ZNF385D: variants seen among roughly 807,000 people sequenced by gnomAD.
The protein encoded by ZNF385D is zinc finger protein 385D.
Under a neutral mutation model 35.8 loss-of-function variants are expected in ZNF385D, and 15 were observed. The ratio of observed to expected loss-of-function variants is 0.42; its 90% CI spans 0.28 to 0.64. The LOEUF is 0.64. Ranked by LOEUF, ZNF385D falls within the 30% of genes least tolerant of loss-of-function variation. The pLI, the probability that ZNF385D is intolerant of heterozygous loss-of-function variation, is 0.23. For synonymous variants in ZNF385D, 212 were observed against 186.8 expected (o/e 1.13, Z -1.10); for missense variants, 474 against 494.6 (o/e 0.96, Z 0.39).
At chr3:21,935,884 A>T (rs1320680209) in intron 3 of ZNF385D, among the ~76,000 whole-genome samples, 1 of 152,154 alleles carries the variant, frequency 6.6e-6, no homozygotes, top group African/African-American at 2.4e-5. Context: ...TGTTCACATC[A>T]TGTAAACAGA....
chr3:21,562,837 TA>T (rs5847111), intron 3 of ZNF385D, among the ~76,000 whole-genome samples: 135,049 of 152,134 alleles, frequency 0.89, 60,052 homozygotes, highest in African/African-American at 0.92. Flanking sequence ...GACTCTTTTT[TA>T]ACAACAGCTT....
Position 21,947,263 on chromosome 3 carries a change from A to AC in ZNF385D, c.325+221553_325+221554insG, listed in dbSNP as rs539694355. 2.5e-3 allele frequency among the ~76,000 whole-genome samples: 382 copies of AC among 152,322 alleles called. 1 individual carries two copies. The highest frequency in any genetic ancestry group is 8.8e-3 in the African/African-American group (364 of 41,568). On this transcript the variant is annotated intron_variant, in intron 3 of 5. Coordinates refer to the ZNF385D transcript ENST00000494108. ...TAAATATATTTTGAGTTGCTTATATATAAATATTGGCAAATTTATGGTACA... is the reference window on the plus strand; with the variant it reads ...TAAATATATTTTGAGTTGCTTATATACTAAATATTGGCAAATTTATGGTACA...
intron 2 of ZNF385D, among the ~76,000 whole-genome samples, chr3:22,176,896 A>G (rs1439273849): frequency 6.6e-6 from 1 of 152,236 alleles, no homozygotes; most frequent in Non-Finnish European, 1.5e-5. Context: ...CTACTACTAT[A>G]TAAATAATAG....
chr3:21,926,037 A>G (rs1700708525), intron 3 of ZNF385D, among the ~76,000 whole-genome samples: 1 of 152,202 alleles, frequency 6.6e-6, no homozygotes, highest in Admixed American at 6.5e-5. Context: ...GTCGGAATGT[A>G]AAATAATATA....
chr3:21,424,936 T>C (rs1700946288), intron 6 of ZNF385D, among the ~76,000 whole-genome samples: 1 of 152,130 alleles, frequency 6.6e-6, no homozygotes, highest in Non-Finnish European at 1.5e-5. Flanking sequence ...TAGCTGGCAA[T>C]GTATAAATGA....
chr3:21,709,322 G>C (rs898173644), intron 1 of ZNF385D, among the ~76,000 whole-genome samples: 39 of 151,998 alleles, frequency 2.6e-4, no homozygotes, highest in African/African-American at 9.4e-4. Context: ...AACATTCAAT[G>C]ACTTTCTAAT....
chr3:22,290,762 G>C (rs973285199), intron 2 of ZNF385D, among the ~76,000 whole-genome samples: 13 of 152,106 alleles, frequency 8.5e-5, no homozygotes, highest in African/African-American at 3.1e-4. Context: ...AGAAGTAATT[G>C]ATCTGTGTGT....
intron 3 of ZNF385D, among the ~76,000 whole-genome samples, chr3:22,164,106 T>C (rs1212822752): frequency 1.3e-5 from 2 of 151,990 alleles, no homozygotes; most frequent in African/African-American, 2.4e-5. Context: ...TGTTTCTATA[T>C]TAAGGTAAAG....
intron 3 of ZNF385D, among the ~76,000 whole-genome samples, chr3:22,104,010 T>C (rs1702076296): frequency 6.6e-6 from 1 of 152,114 alleles, no homozygotes; most frequent in Admixed American, 6.6e-5. Flanking sequence ...ACATGTACAA[T>C]ATACAATATA....
intron 1 of ZNF385D, among the ~76,000 whole-genome samples, chr3:21,711,038 A>ACTTTTTTTTT (rs562190313): frequency 1.8e-5 from 1 of 55,826 alleles, no homozygotes; most frequent in Non-Finnish European, 3.5e-5. Flanking sequence ...TCCCTCTAAA[A>ACTTTTTTTTT]GTTTTTTTTT....
intron 1 of ZNF385D, among the ~76,000 whole-genome samples, chr3:21,739,836 T>G (rs1461873260): frequency 2.0e-5 from 3 of 152,230 alleles, no homozygotes; most frequent in African/African-American, 7.2e-5. Context: ...TGTGAACATT[T>G]ACTGAAAGTG....
intron 2 of ZNF385D, among the ~76,000 whole-genome samples, chr3:21,582,785 A>C (rs921861482): frequency 3.3e-5 from 5 of 151,904 alleles, no homozygotes; most frequent in African/African-American, 1.2e-4. Context: ...TCATTCATTC[A>C]TTTATCCTTT....
intron 3 of ZNF385D, among the ~76,000 whole-genome samples, chr3:21,879,327 C>T (rs1283464199): frequency 6.6e-6 from 1 of 151,954 alleles, no homozygotes; most frequent in Non-Finnish European, 1.5e-5. Context: ...AGAGAGGACA[C>T]ATGGGATCCG....
upstream of ZNF385D, among the ~76,000 whole-genome samples, chr3:21,755,224 A>T (rs62236199): frequency 0.17 from 26,565 of 152,188 alleles, 2,827 homozygotes; most frequent in Non-Finnish European, 0.23. Context: ...ATAAAATTGT[A>T]TCCAGTGTTC....
At chr3:21,994,600 G>A (rs149693311) in intron 3 of ZNF385D, among the ~76,000 whole-genome samples, 1 of 151,992 alleles carries the variant, frequency 6.6e-6, no homozygotes, top group Non-Finnish European at 1.5e-5. Flanking sequence ...TGTTATGTTA[G>A]CTTGCTTTTT....
chr3:21,564,716 G>GGCA (rs1258448069), intron 2 of ZNF385D, 32 bp from the exon 3 acceptor site: 4 of 1,373,518 alleles, frequency 2.9e-6, no homozygotes, highest in Non-Finnish European at 3.0e-6. Context: ...ACAACAAATA[G>GGCA]AAATAAAGCT....
intron 2 of ZNF385D, among the ~76,000 whole-genome samples, chr3:21,659,865 G>T (rs2066182815): frequency 2.6e-5 from 4 of 151,950 alleles, no homozygotes; most frequent in Admixed American, 2.6e-4. Context: ...GCCTACATAT[G>T]TTCAAAATCT....
At chr3:21,996,820 G>A (rs769805073) in intron 3 of ZNF385D, among the ~76,000 whole-genome samples, 36 of 152,254 alleles carry the variant, frequency 2.4e-4, no homozygotes, top group Admixed American at 7.2e-4. Flanking sequence ...AGGAGGATTA[G>A]CACATTCATT....
intron 4 of ZNF385D, among the ~76,000 whole-genome samples, chr3:21,466,172 A>G (rs548056320): frequency 3.3e-5 from 5 of 152,198 alleles, no homozygotes; most frequent in East Asian, 3.9e-4. Flanking sequence ...TGCATGATCA[A>G]TCTTTACCTT....
Sources: allele counts gnomAD v4.1 joint callset (sites outside exome capture counted in the v4.1 genomes callset), GRCh38; gene constraint gnomAD v4.1.1; transcripts MANE v1.5; gene names NCBI Gene and HGNC (gene_info 2026-07-23, HGNC 2026-07-21).